Variants in DNM3 observed in about 807,000 individuals in gnomAD.
DNM3 encodes the protein dynamin 3.
In DNM3, 47 loss-of-function variants were observed where a neutral mutation model predicts 101.6. The ratio of observed to expected loss-of-function variants is 0.46; its 90% CI spans 0.37 to 0.59. The LOEUF is 0.59. DNM3 is among the 20% of genes least tolerant of loss of function. The probability of loss-of-function intolerance (pLI) is 0.00; values close to 1 mark genes in which losing one functional copy is unlikely to be tolerated. For missense variants in DNM3, 849 were observed against 1,085.7 expected, an observed-to-expected ratio of 0.78 and a Z score of 3.06; for synonymous variants, 385 against 387.9, an observed-to-expected ratio of 0.99 and a Z score of 0.09.
At chr1:172,258,397 C>G (rs1047092094) in intron 15 of DNM3, among the ~76,000 whole-genome samples, 5 of 151,996 alleles carry the variant, frequency 3.3e-5, no homozygotes, top group African/African-American at 4.8e-5. Flanking sequence ...AGTGTATGTT[C>G]CCTTTTCTCC....
intron 15 of DNM3, among the ~76,000 whole-genome samples, chr1:172,278,360 G>GAAGAA (rs2063365981): frequency 6.6e-6 from 1 of 151,880 alleles, no homozygotes; most frequent in African/African-American, 2.4e-5. Context: ...TGGCCACATT[G>GAAGAA]GAAGAAGAAT....
intron 14 of DNM3, among the ~76,000 whole-genome samples, chr1:172,158,139 T>C (rs1330078297): frequency 2.6e-5 from 4 of 151,900 alleles, no homozygotes; most frequent in African/African-American, 9.7e-5. Context: ...AGTGAGGAAG[T>C]AAGCATGCGG....
intron 14 of DNM3, among the ~76,000 whole-genome samples, chr1:172,145,765 T>A (rs2057860566): frequency 6.6e-6 from 1 of 152,202 alleles, no homozygotes; most frequent in South Asian, 2.1e-4. Context: ...TTTTCACTTG[T>A]AATTCCTGAT....
intron 14 of DNM3, among the ~76,000 whole-genome samples, chr1:172,229,522 C>T (rs1394579423): frequency 1.3e-5 from 2 of 152,060 alleles, no homozygotes; most frequent in Non-Finnish European, 2.9e-5. Context: ...GATGTGAACT[C>T]TTTTTCCCAC....
At chr1:171,976,146 CA>C (rs1358254673) in intron 2 of DNM3, among the ~76,000 whole-genome samples, 1 of 152,166 alleles carries the variant, frequency 6.6e-6, no homozygotes, top group Non-Finnish European at 1.5e-5. Flanking sequence ...GTCTTTCCAA[CA>C]AAGGTTACTG....
Position 172,072,545 on chromosome 1 carries a change from G to A in DNM3, c.1422+3640G>A, listed in dbSNP as rs565757638. Among the ~76,000 whole-genome samples the A allele has an allele frequency of 1.2e-4, 19 of 152,262 alleles. 1 individual carries two copies. In the East Asian group the frequency reaches 2.7e-3, roughly 22 times the overall value. ...GTACAAAACAAGAACAAGTGGCCAC[G>A]TACTAATTATATATATGTATATGTG... On this transcript the variant is annotated intron_variant, in intron 11 of 20. Transcript: ENST00000627582.
At chr1:172,232,325 CAAG>C (rs1241672029) in intron 14 of DNM3, among the ~76,000 whole-genome samples, 2 of 152,118 alleles carry the variant, frequency 1.3e-5, no homozygotes, top group East Asian at 3.8e-4. Flanking sequence ...ATCAATTCAA[CAAG>C]AAGAGCTAAC....
intron 10 of DNM3, among the ~76,000 whole-genome samples, chr1:172,053,191 G>T (rs774991548): frequency 6.6e-6 from 1 of 151,676 alleles, no homozygotes; most frequent in African/African-American, 2.4e-5. Flanking sequence ...CTATATCTTT[G>T]GTCCCACTGC....
intron 20 of DNM3, among the ~76,000 whole-genome samples, chr1:172,389,656 T>C (rs1007254488): frequency 2.6e-5 from 4 of 152,196 alleles, no homozygotes; most frequent in Non-Finnish European, 4.4e-5. Flanking sequence ...TAAAGTTAAT[T>C]TTTAAAAAAT....
intron 13 of DNM3, among the ~76,000 whole-genome samples, chr1:172,122,814 A>G (rs1220301596): frequency 6.6e-6 from 1 of 152,180 alleles, no homozygotes; most frequent in African/African-American, 2.4e-5. Context: ...ACAGTGCAGA[A>G]ACTCCTACAA....
intron 17 of DNM3, among the ~76,000 whole-genome samples, chr1:172,357,897 G>T (rs945039067): frequency 6.6e-6 from 1 of 151,928 alleles, no homozygotes; most frequent in Admixed American, 6.6e-5. Context: ...CTCCAGTTCT[G>T]TCCACAGACA....
chr1:172,002,246 C>T (rs2046399278), intron 4 of DNM3, among the ~76,000 whole-genome samples: 1 of 151,978 alleles, frequency 6.6e-6, no homozygotes, highest in Non-Finnish European at 1.5e-5. Context: ...ATGAAAAAAT[C>T]AGATTAAAAA....
intron 1 of DNM3, among the ~76,000 whole-genome samples, chr1:171,879,867 G>A (rs2036114200): frequency 6.6e-6 from 1 of 152,208 alleles, no homozygotes. Flanking sequence ...CTGCCTGTTA[G>A]ATTTGCACAA....
intron 7 of DNM3, 139 bp from the exon 8 acceptor site, chr1:172,041,870 A>C (rs2049416714): frequency 1.4e-6 from 1 of 734,792 alleles, no homozygotes; most frequent in Non-Finnish European, 2.2e-6. Flanking sequence ...TACTACATAG[A>C]GTGCAATGTT....
At chr1:171,895,665 G>T (rs1334239889) in intron 1 of DNM3, among the ~76,000 whole-genome samples, 1 of 151,982 alleles carries the variant, frequency 6.6e-6, no homozygotes, top group Non-Finnish European at 1.5e-5. Flanking sequence ...TGTCAATTTT[G>T]GCTTTTGTTG....
intron 1 of DNM3, among the ~76,000 whole-genome samples, chr1:171,903,861 G>A (rs533784691): frequency 6.6e-6 from 1 of 152,258 alleles, no homozygotes; most frequent in Non-Finnish European, 1.5e-5. Flanking sequence ...TGCTTAAAAT[G>A]TTCTATTATA....
chr1:172,246,017 C>T (rs566232423), intron 14 of DNM3, among the ~76,000 whole-genome samples: 1 of 152,258 alleles, frequency 6.6e-6, no homozygotes, highest in South Asian at 2.1e-4. Context: ...GGAGCAAGCA[C>T]CTCTTTCACA....
intron 14 of DNM3, among the ~76,000 whole-genome samples, chr1:172,208,004 G>A (rs1038959710): frequency 6.6e-6 from 1 of 151,818 alleles, no homozygotes; most frequent in African/African-American, 2.4e-5. Flanking sequence ...ACAATGCTAA[G>A]TTTGTATAGC....
At chr1:172,293,476 T>C (rs1401438022) in intron 15 of DNM3, among the ~76,000 whole-genome samples, 1 of 152,204 alleles carries the variant, frequency 6.6e-6, no homozygotes, top group African/African-American at 2.4e-5. Context: ...AATAGTGGAA[T>C]TATTCAGAAG....
Sources: gnomAD v4.1 joint callset for allele counts (sites outside exome capture counted in the v4.1 genomes callset) on GRCh38, gnomAD v4.1.1 for gene constraint, MANE v1.5 for transcripts, NCBI Gene and HGNC (gene_info 2026-07-23, HGNC 2026-07-21) for gene names.